NRXN3: variants seen among roughly 807,000 people sequenced by gnomAD.
The protein encoded by NRXN3 is neurexin III.
In NRXN3, 32 loss-of-function variants were observed where a neutral mutation model predicts 137.6. The ratio of observed to expected loss-of-function variants is 0.23; its 90% CI spans 0.18 to 0.31. The LOEUF (loss-of-function observed/expected upper bound fraction) is 0.31, where lower values mean the gene tolerates loss of function less well. Ranked by LOEUF, NRXN3 falls within the 10% of genes least tolerant of loss-of-function variation. The pLI is 1.00. For missense variants in NRXN3, 1,574 were observed against 2,062.5 expected, an observed-to-expected ratio of 0.76 and a Z score of 4.59; for synonymous variants, 798 against 784.5, an observed-to-expected ratio of 1.02 and a Z score of -0.29.
chr14:78,527,669 A>G (rs1444552757), intron 4 of NRXN3, among the ~76,000 whole-genome samples: 2 of 152,224 alleles, frequency 1.3e-5, no homozygotes, highest in Non-Finnish European at 2.9e-5. Flanking sequence ...TTAACTGGCT[A>G]GTGGTGGTGA....
At chr14:79,089,915 T>G (rs908424634) in intron 15 of NRXN3, among the ~76,000 whole-genome samples, 2 of 152,188 alleles carry the variant, frequency 1.3e-5, no homozygotes, top group African/African-American at 4.8e-5. Context: ...TTTTCATCTC[T>G]CAATCTGAAG....
chr14:79,481,276 C>CT (rs1379774698), intron 16 of NRXN3, among the ~76,000 whole-genome samples: 1 of 152,156 alleles, frequency 6.6e-6, no homozygotes, highest in Admixed American at 6.6e-5. Context: ...TTGTTTTCAT[C>CT]TTTGTATTTT....
chr14:78,376,859 G>C (rs2087946403), intron 4 of NRXN3, among the ~76,000 whole-genome samples: 1 of 152,146 alleles, frequency 6.6e-6, no homozygotes, highest in South Asian at 2.1e-4. Context: ...GACACGAGTG[G>C]ATTGTGATAA....
chr14:78,908,563 G>T (rs2099226260), intron 10 of NRXN3, among the ~76,000 whole-genome samples: 1 of 151,888 alleles, frequency 6.6e-6, no homozygotes, highest in African/African-American at 2.4e-5. Flanking sequence ...TTTCTGAGAG[G>T]TCTTCAAAAA....
chr14:79,290,656 G>A lies in NRXN3; in HGVS notation c.3263-176565G>A, dbSNP rs116019220. ...TCCCCAGGCTGGGTTTTGCTCTGGTGGTTCCAGAAAAAAAAAAAAAAAAAA... is the reference window on the plus strand; with the variant it reads ...TCCCCAGGCTGGGTTTTGCTCTGGTAGTTCCAGAAAAAAAAAAAAAAAAAA... On this transcript the variant is annotated intron_variant, in intron 15 of 20. Transcript: ENST00000335750. 6.4e-3 allele frequency among the ~76,000 whole-genome samples: 877 copies of A among 136,278 alleles called. 10 individuals are homozygous for A. The highest frequency in any genetic ancestry group is 0.022 in the African/African-American group (835 of 37,526). 89.4% of individuals were successfully genotyped at this position (136,278 alleles called of 152,430 possible).
At chr14:78,712,180 A>G (rs1267261933) in intron 7 of NRXN3, among the ~76,000 whole-genome samples, 1 of 152,168 alleles carries the variant, frequency 6.6e-6, no homozygotes, top group Non-Finnish European at 1.5e-5. Flanking sequence ...ATGTCTCCCC[A>G]TTTTAGTTGG....
intron 1 of NRXN3, among the ~76,000 whole-genome samples, chr14:78,225,101 T>C (rs560570927): frequency 2.6e-4 from 40 of 152,314 alleles, no homozygotes; most frequent in Non-Finnish European, 5.0e-4. Flanking sequence ...TTATAGTCTT[T>C]TGGGTATATA....
intron 10 of NRXN3, among the ~76,000 whole-genome samples, chr14:78,950,801 T>C (rs1482146802): frequency 6.6e-6 from 1 of 152,166 alleles, no homozygotes; most frequent in Non-Finnish European, 1.5e-5. Flanking sequence ...TGAACTTTGA[T>C]TCATACGTCT....
intron 2 of NRXN3, among the ~76,000 whole-genome samples, chr14:78,278,010 A>G (rs1167222393): frequency 6.6e-6 from 1 of 152,354 alleles, no homozygotes; most frequent in Admixed American, 6.5e-5. Context: ...ATCTACTCAC[A>G]CACAATCTCA....
chr14:79,234,326 ATATATATATATAT>A (rs2072940371), intron 15 of NRXN3, among the ~76,000 whole-genome samples: 1 of 111,708 alleles, frequency 9.0e-6, no homozygotes, highest in Non-Finnish European at 1.8e-5. Context: ...ATATATATAT[ATATATATATATAT>A]AATATTTATA....
At chr14:78,740,646 G>A (rs1423130987) in intron 8 of NRXN3, among the ~76,000 whole-genome samples, 1 of 149,542 alleles carries the variant, frequency 6.7e-6, no homozygotes, top group Non-Finnish European at 1.5e-5. Context: ...TTAACACCTA[G>A]TGTTCTTCTC....
chr14:79,762,425 C>T (rs2099041804), intron 19 of NRXN3, among the ~76,000 whole-genome samples: 1 of 151,224 alleles, frequency 6.6e-6, no homozygotes, highest in Non-Finnish European at 1.5e-5. Context: ...AATGGCTAAT[C>T]TGTGGGTATG....
intron 16 of NRXN3, among the ~76,000 whole-genome samples, chr14:79,549,167 A>G (rs776040620): frequency 1.5e-4 from 23 of 152,080 alleles, no homozygotes; most frequent in Non-Finnish European, 2.6e-4. Flanking sequence ...CATTGTTTCC[A>G]CTGCCTGCTT....
chr14:78,248,921 C>A (rs960658846), intron 2 of NRXN3, among the ~76,000 whole-genome samples: 1 of 152,188 alleles, frequency 6.6e-6, no homozygotes, highest in Non-Finnish European at 1.5e-5. Flanking sequence ...CCAGCCCAGC[C>A]AGCAGGGGCT....
chr14:79,175,969 T>G (rs559744095), intron 15 of NRXN3, among the ~76,000 whole-genome samples: 28 of 152,348 alleles, frequency 1.8e-4, no homozygotes, highest in African/African-American at 6.5e-4. Context: ...TATGATGGCT[T>G]TTAAAAGAGG....
chr14:78,940,350 A>G (rs1489452720), intron 10 of NRXN3, among the ~76,000 whole-genome samples: 1 of 152,200 alleles, frequency 6.6e-6, no homozygotes, highest in African/African-American at 2.4e-5. Flanking sequence ...GTGCATGTAT[A>G]TATGCACACA....
chr14:79,482,775 C>A (rs1331252670), intron 16 of NRXN3, among the ~76,000 whole-genome samples: 2 of 152,122 alleles, frequency 1.3e-5, no homozygotes, highest in African/African-American at 4.8e-5. Flanking sequence ...AAAGACTGCA[C>A]CATTTTTGGT....
intron 15 of NRXN3, among the ~76,000 whole-genome samples, chr14:79,396,910 T>G (rs910243465): frequency 2.6e-5 from 4 of 152,172 alleles, no homozygotes; most frequent in African/African-American, 9.7e-5. Flanking sequence ...TTATTAAACT[T>G]TATTTTCCCA....
chr14:78,259,757 G>C lies in NRXN3; in HGVS notation c.709+15955G>C, dbSNP rs112401997. On this transcript the variant is annotated intron_variant, in intron 2 of 20. Coordinates refer to ENST00000335750, the MANE Select transcript of NRXN3 (RefSeq NM_001330195.2). The stretch of plus-strand genomic sequence containing the variant: ...CAACTCTCTAGGACTGGGGGTGGGG[G>C]CTGTGTCTGTGCTCTGAATGCTTGC... Among the ~76,000 whole-genome samples the C allele has an allele frequency of 1.0e-3, 153 of 152,292 alleles. 1 individual carries two copies. Among genetic ancestry groups the C allele is most frequent in the African/African-American group, 3.6e-3 (150 of 41,562 alleles).
Sources: allele counts gnomAD v4.1 joint callset (sites outside exome capture counted in the v4.1 genomes callset), GRCh38; gene constraint gnomAD v4.1.1; transcripts MANE v1.5; gene names NCBI Gene and HGNC (gene_info 2026-07-23, HGNC 2026-07-21).